The following CHRM3 variants were observed in gnomAD, a reference collection of about 807,000 sequenced individuals.
The protein encoded by CHRM3 is muscarinic acetylcholine receptor M3.
A neutral mutation model predicts 41.8 loss-of-function variants in CHRM3; 11 were observed. That is an observed-to-expected ratio of 0.26 (90% CI 0.17 to 0.44). The LOEUF (loss-of-function observed/expected upper bound fraction) is 0.44. CHRM3 is among the 20% of genes least tolerant of loss of function. CHRM3 has a pLI of 1.00. For synonymous variants in CHRM3, 297 were observed against 301.4 expected (o/e 0.99, Z 0.15); for missense variants, 571 against 745.4 (o/e 0.77, Z 2.72).
At chr1:239,615,280 C>G (rs781313438) in intron 3 of CHRM3, among the ~76,000 whole-genome samples, 29 of 152,132 alleles carry the variant, frequency 1.9e-4, no homozygotes, top group Non-Finnish European at 4.1e-4. Context: ...TTTATAAGAA[C>G]TGAGAATCGC....
At chr1:239,804,444 A>G (rs1670466794) in intron 5 of CHRM3, among the ~76,000 whole-genome samples, 1 of 152,014 alleles carries the variant, frequency 6.6e-6, no homozygotes, top group Non-Finnish European at 1.5e-5. Context: ...CTCTTGGGAA[A>G]TTTTTTAAGT....
intron 5 of CHRM3, among the ~76,000 whole-genome samples, chr1:239,729,345 A>C (rs1041204931): frequency 6.6e-6 from 1 of 151,916 alleles, no homozygotes; most frequent in African/African-American, 2.4e-5. Flanking sequence ...AGGGAAAAAA[A>C]ATCCCAGTGG....
chr1:239,898,632 ATTTATACGCTTTTAAT>A (rs950740056), intron 6 of CHRM3, among the ~76,000 whole-genome samples: 1 of 152,208 alleles, frequency 6.6e-6, no homozygotes, highest in African/African-American at 2.4e-5. Flanking sequence ...TTCTAGAAAA[ATTTATACGCTTTTAAT>A]TGGTTCAGCA....
intron 5 of CHRM3, among the ~76,000 whole-genome samples, chr1:239,792,210 GAGA>G (rs935457524): frequency 7.2e-5 from 11 of 152,132 alleles, no homozygotes; most frequent in African/African-American, 2.7e-4. Flanking sequence ...ATCATGGAGG[GAGA>G]AGAACTCTGC....
At chr1:239,782,373 C>A (rs968890669) in intron 5 of CHRM3, among the ~76,000 whole-genome samples, 9 of 152,104 alleles carry the variant, frequency 5.9e-5, no homozygotes, top group Non-Finnish European at 1.2e-4. Flanking sequence ...TTCCTGCCAT[C>A]TAGATTATCA....
intron 6 of CHRM3, among the ~76,000 whole-genome samples, chr1:239,856,440 C>T (rs970559180): frequency 2.0e-5 from 3 of 152,128 alleles, no homozygotes; most frequent in African/African-American, 7.2e-5. Flanking sequence ...CATGCTCTCT[C>T]TCTCTCCTGC....
rs565166197 is a variant in CHRM3 at position 239,607,078 on chromosome 1, T to C, written c.-312-25146T>C. Among the ~76,000 whole-genome samples, 10 of 152,162 alleles carry C rather than the reference T, an allele frequency of 6.6e-5. No individual in the cohort carries two copies. The East Asian group carries it at 1.9e-3, about 29-fold the overall frequency. Reference sequence around the variant, plus strand: ...TTAATTTCATTTCAGTGAAAACGTGTGATTTTTTTTGTTTGTTTTTTGTTT... The same window carrying C: ...TTAATTTCATTTCAGTGAAAACGTGCGATTTTTTTTGTTTGTTTTTTGTTT... On this transcript the variant is annotated intron_variant, in intron 3 of 6. Coordinates refer to ENST00000676153, the MANE Select transcript of CHRM3 (RefSeq NM_001375978.1).
chr1:239,597,902 C>T (rs1664992925), intron 3 of CHRM3, among the ~76,000 whole-genome samples: 1 of 111,242 alleles, frequency 9.0e-6, no homozygotes, highest in Non-Finnish European at 1.8e-5. Context: ...TTTGACAAAT[C>T]TTTCTTTCTC....
chr1:239,521,630 G>T (rs1669644727), intron 2 of CHRM3, among the ~76,000 whole-genome samples: 1 of 152,122 alleles, frequency 6.6e-6, no homozygotes, highest in Non-Finnish European at 1.5e-5. Flanking sequence ...TTGATGCACT[G>T]GTTTTATAGA....
At chr1:239,539,394 C>A (rs919597899) in intron 2 of CHRM3, among the ~76,000 whole-genome samples, 17 of 152,154 alleles carry the variant, frequency 1.1e-4, no homozygotes, top group African/African-American at 4.1e-4. Context: ...GTGGGGTTAG[C>A]CTTCCACAGC....
intron 5 of CHRM3, among the ~76,000 whole-genome samples, chr1:239,698,690 AC>A (rs903674982): frequency 6.6e-6 from 1 of 152,188 alleles, no homozygotes; most frequent in African/African-American, 2.4e-5. Flanking sequence ...TCCCATGGTC[AC>A]CCAGAGTATC....
intron 3 of CHRM3, among the ~76,000 whole-genome samples, chr1:239,562,337 C>T (rs1240681805): frequency 6.6e-6 from 1 of 152,018 alleles, no homozygotes; most frequent in Non-Finnish European, 1.5e-5. Context: ...AAGAGATATC[C>T]CCCTTTTTTC....
chr1:239,428,385 C>T (rs1233377603), intron 1 of CHRM3, among the ~76,000 whole-genome samples: 4 of 152,160 alleles, frequency 2.6e-5, no homozygotes, highest in African/African-American at 9.7e-5. Flanking sequence ...AAAATATGGC[C>T]TGGCTGTGAA....
intron 3 of CHRM3, among the ~76,000 whole-genome samples, chr1:239,603,138 C>T (rs1158865220): frequency 2.0e-5 from 3 of 152,172 alleles, no homozygotes; most frequent in Non-Finnish European, 4.4e-5. Flanking sequence ...AGCTCATTTT[C>T]ACTTAGCAGA....
chr1:239,469,397 C>T (rs577649873), intron 1 of CHRM3, among the ~76,000 whole-genome samples: 1 of 152,308 alleles, frequency 6.6e-6, no homozygotes, highest in African/African-American at 2.4e-5. Context: ...TTGGTATCCT[C>T]AGTACCTGGC....
chr1:239,450,663 G>C (rs765361335), intron 1 of CHRM3, among the ~76,000 whole-genome samples: 4 of 152,112 alleles, frequency 2.6e-5, no homozygotes, highest in South Asian at 2.1e-4. Flanking sequence ...TCCTGGGTAC[G>C]TACATTTTTT....
intron 1 of CHRM3, among the ~76,000 whole-genome samples, chr1:239,423,210 G>A (rs1033364501): frequency 2.0e-5 from 3 of 152,030 alleles, no homozygotes; most frequent in Non-Finnish European, 4.4e-5. Flanking sequence ...ATTTTTTCTT[G>A]ATCTCTTTTA....
intron 6 of CHRM3, among the ~76,000 whole-genome samples, chr1:239,889,708 G>A (rs566267488): frequency 2.6e-4 from 39 of 152,194 alleles, no homozygotes; most frequent in African/African-American, 9.2e-4. Context: ...GTCAGTCCTG[G>A]GCTGCCACAC....
chr1:239,893,353 ATAAGCTTAG>A, intron 6 of CHRM3, among the ~76,000 whole-genome samples: 1 of 152,188 alleles, frequency 6.6e-6, no homozygotes, highest in Non-Finnish European at 1.5e-5. Context: ...TTTCTGCTTT[ATAAGCTTAG>A]GTATTGTTTT....
Sources: gnomAD v4.1 joint callset for allele counts (sites outside exome capture counted in the v4.1 genomes callset) on GRCh38, gnomAD v4.1.1 for gene constraint, MANE v1.5 for transcripts, NCBI Gene and HGNC (gene_info 2026-07-23, HGNC 2026-07-21) for gene names.